The following VWDE variants were observed in gnomAD, a reference collection of about 807,000 sequenced individuals.
The protein encoded by VWDE is von Willebrand factor D and EGF domain-containing protein.
A neutral mutation model predicts 178.4 loss-of-function variants in VWDE; 207 were observed. That is an observed-to-expected ratio of 1.16 (90% CI 1.04 to 1.30). VWDE has a LOEUF of 1.30. Among genes scored for constraint, VWDE ranks in the 50% most tolerant of loss-of-function variants. The pLI is 0.00. For synonymous variants in VWDE, 738 were observed against 651.4 expected, an observed-to-expected ratio of 1.13 and a Z score of -2.02; for missense variants, 2,287 against 1,901.3, an observed-to-expected ratio of 1.20 and a Z score of -3.77.
At position 12,351,262 on chromosome 7, in the gene VWDE, G is replaced by A. The variant is rs148787437; in HGVS notation, c.3886+311C>T. On this transcript the variant is annotated intron_variant, in intron 19 of 28. Transcript: ENST00000275358. ...TCTTATCACATTTAGGGTTTGAGCA[G>A]ATACTGGATGACCAGTTTCCAGGGA... 8.4e-3 allele frequency among the ~76,000 whole-genome samples: 1,276 copies of A among 152,264 alleles called. 20 individuals are homozygous for A. The highest frequency in any genetic ancestry group is 0.028 in the African/African-American group (1,175 of 41,558).
At chr7:12,393,557 A>C in intron 2 of VWDE, 37 bp downstream of exon 2, 1 of 1,436,744 alleles carries the variant, frequency 7.0e-7, no homozygotes, top group South Asian at 1.5e-5. Flanking sequence ...AAAACACATA[A>C]GGAAAATAAC....
At chr7:12,336,114 A>C (rs1220495151) in intron 27 of VWDE, 27 bp downstream of exon 27, 2 of 1,527,844 alleles carry the variant, frequency 1.3e-6, no homozygotes, top group Admixed American at 4.0e-5. Flanking sequence ...CAGAACATAT[A>C]GTAGGAAAAA....
rs764382437 is a variant in VWDE at position 12,361,487 on chromosome 7, A to G, written c.2933T>C (p.Ile978Thr). ...NSSEWMPGEP[I>T]YTQTVFHNSR... ...ATTGTGGAAAACAGTCTGTGTATAGATGGGTTCTCCAGGCATCCATTCACT... is the reference window on the plus strand; with the variant it reads ...ATTGTGGAAAACAGTCTGTGTATAGGTGGGTTCTCCAGGCATCCATTCACT... Residue 978 changes from isoleucine (I) to threonine (T), a missense_variant, in exon 14 of 29, where the codon ATC becomes ACC. Coordinates refer to ENST00000275358, the MANE Select transcript of VWDE (RefSeq NM_001135924.3). The G allele has an allele frequency of 6.4e-7, 1 of 1,550,688 alleles. No homozygotes were observed. The highest frequency in any genetic ancestry group is 8.7e-7 in the Non-Finnish European group (1 of 1,146,444).
chr7:12,373,246 C>A lies in VWDE; in HGVS notation c.1318G>T (p.Val440Leu). The part of the protein sequence containing the change: ...DPHIITFDGR[V>L]YDNFKTGTFV... ...GTTCCAGTCTTGAAATTATCATATA[C>A]CCTATCATTAACAAAAGGCAATTGC... Residue 440 changes from valine to leucine, a missense_variant and splice_region_variant, in exon 10 of 29, where the codon GTA becomes TTA. Physicochemically the swap from Val to Leu is conservative, Grantham distance 32. Coordinates refer to ENST00000275358, the MANE Select transcript of VWDE (RefSeq NM_001135924.3). 6.5e-7 allele frequency: 1 copy of A among 1,549,518 alleles called. No homozygotes were observed. The highest frequency in any genetic ancestry group is 8.7e-7 in the Non-Finnish European group (1 of 1,146,352).
Position 12,370,854 on chromosome 7 carries a change from G to A in VWDE, c.1598C>T (p.Ser533Phe), listed in dbSNP as rs1360365154. ...YLGRKVTIWF[S>F]SGAFIRADLG... The stretch of plus-strand genomic sequence containing the variant: ...ATCAGCACGGATAAATGCCCCAGAA[G>A]AAAACCAGATCTGAAAAACAGAAAT... The change falls in exon 11 of 29, where the codon TCT becomes TTT. Residue 533 changes from serine (S) to phenylalanine (F), a missense_variant. Transcript: ENST00000275358. The A allele has an allele frequency of 3.3e-6, 5 of 1,518,914 alleles. No homozygotes were observed. In the South Asian group the frequency reaches 6.5e-5, roughly 20 times the overall value. 94.1% of individuals were successfully genotyped at this position (1,518,914 alleles called of 1,614,324 possible).
chr7:12,333,890 T>C (rs1282207563), intron 27 of VWDE, among the ~76,000 whole-genome samples: 4 of 152,150 alleles, frequency 2.6e-5, no homozygotes, highest in African/African-American at 9.7e-5. Context: ...GCTGAAGTCA[T>C]TAACAGAAGA....
intron 18 of VWDE, among the ~76,000 whole-genome samples, chr7:12,354,723 T>C (rs6978933): frequency 0.86 from 130,527 of 151,992 alleles, 56,342 homozygotes; most frequent in Admixed American, 0.9. Flanking sequence ...CATACGATTT[T>C]GTTTTTGTAA....
At chr7:12,390,812 CTA>C (rs1394065409) in intron 2 of VWDE, among the ~76,000 whole-genome samples, 1 of 151,598 alleles carries the variant, frequency 6.6e-6, no homozygotes, top group East Asian at 1.9e-4. Flanking sequence ...AAAATTATCA[CTA>C]TGTTTTAAAT....
chr7:12,393,543 A>G, intron 2 of VWDE, 51 bp downstream of exon 2: 2 of 1,398,520 alleles, frequency 1.4e-6, no homozygotes, highest in Non-Finnish European at 9.5e-7. Flanking sequence ...CAATTCTCAT[A>G]TGAAAAACAC....
rs192077630 is a variant in VWDE, at chr7:12,371,297, C to T, written c.1588-433G>A. Reference sequence around the variant, plus strand: ...AGTACATGTTCCCGCAGCTAATTAGCATTCTCTAGTTGCCAGTAGACAAAC... The same window carrying T: ...AGTACATGTTCCCGCAGCTAATTAGTATTCTCTAGTTGCCAGTAGACAAAC... On this transcript the variant is annotated intron_variant, in intron 10 of 28. Transcript: ENST00000275358. 1.7e-3 allele frequency among the ~76,000 whole-genome samples: 263 copies of T among 152,242 alleles called. 3 individuals are homozygous for T. The highest frequency in any genetic ancestry group is 6.5e-4 in the Non-Finnish European group (44 of 68,004).
chr7:12,367,166 T>C (rs889081032), intron 13 of VWDE, among the ~76,000 whole-genome samples, 191 bp downstream of exon 13: 5 of 152,066 alleles, frequency 3.3e-5, no homozygotes, highest in African/African-American at 1.2e-4. Flanking sequence ...AATAAAAAGT[T>C]TATAAGATAT....
Position 12,383,543 on chromosome 7 carries a change from A to G in VWDE, c.534T>C (p.Asp178=), listed in dbSNP as rs1193178070. 3.2e-6 allele frequency: 5 copies of G among 1,550,246 alleles called. No individual in the cohort carries two copies. The highest frequency in any genetic ancestry group is 1.4e-5 in the African/African-American group (1 of 73,122). The change falls in exon 4 of 29, where the codon GAT becomes GAC. Residue 178 remains aspartate, a synonymous_variant. Coordinates refer to ENST00000275358, the MANE Select transcript of VWDE (RefSeq NM_001135924.3). ...CGSDETETGG[D]CVRQLAASLP... is the part of the protein sequence containing the mutation. ...GCAAAATATGATACTTACGAACACA[A>G]TCACCTCCTGTTTCAGTTTCATCAG...
chr7:12,369,502 G>C (rs1215241920), intron 12 of VWDE, 43 bp downstream of exon 12: 1 of 1,469,004 alleles, frequency 6.8e-7, no homozygotes, highest in East Asian at 2.5e-5. Flanking sequence ...TTTTTATAAT[G>C]AAATATCACA....
chr7:12,339,229 G>T (rs10256397), intron 24 of VWDE, among the ~76,000 whole-genome samples: 17,024 of 152,120 alleles, frequency 0.11, 2,291 homozygotes, highest in African/African-American at 0.31. Flanking sequence ...ATAATTGAGA[G>T]ATTTCTTCCT....
chr7:12,390,624 TTATAC>T (rs1290124896), intron 2 of VWDE, among the ~76,000 whole-genome samples: 2 of 151,700 alleles, frequency 1.3e-5, no homozygotes, highest in African/African-American at 4.8e-5. Context: ...TTATGTATAA[TTATAC>T]TATATTTGTT....
intron 19 of VWDE, among the ~76,000 whole-genome samples, chr7:12,350,000 C>A (rs550233155): frequency 4.0e-4 from 61 of 151,892 alleles, no homozygotes; most frequent in Middle Eastern, 3.2e-3. Flanking sequence ...GAAAAACAAT[C>A]TAAAATTACT....
chr7:12,350,776 AC>A (rs1255024553), intron 19 of VWDE, among the ~76,000 whole-genome samples: 1 of 152,142 alleles, frequency 6.6e-6, no homozygotes, highest in Non-Finnish European at 1.5e-5. Flanking sequence ...AATAACAGTT[AC>A]TGTAAATAGC....
chr7:12,364,630 G>A (rs1018280894), intron 13 of VWDE, among the ~76,000 whole-genome samples: 2 of 152,018 alleles, frequency 1.3e-5, no homozygotes, highest in Admixed American at 6.6e-5. Flanking sequence ...TTGGAAACAA[G>A]GAACAGCTCT....
chr7:12,401,161 G>T (rs561428358), intron 1 of VWDE, among the ~76,000 whole-genome samples: 24 of 152,202 alleles, frequency 1.6e-4, no homozygotes, highest in Admixed American at 4.6e-4. Context: ...AGACAAGTAT[G>T]TCTACTCTCA....
Sources: allele counts gnomAD v4.1 joint callset (sites outside exome capture counted in the v4.1 genomes callset), GRCh38; gene constraint gnomAD v4.1.1; transcripts MANE v1.5; gene names NCBI Gene and HGNC (gene_info 2026-07-23, HGNC 2026-07-21).